MEIS1: variants seen among roughly 807,000 people sequenced by gnomAD.
The protein encoded by MEIS1 is Meis homeobox 1.
In MEIS1, 5 loss-of-function variants were observed where a neutral mutation model predicts 50.8. That is an observed-to-expected ratio of 0.10 (90% CI 0.05 to 0.21). MEIS1 has a LOEUF of 0.21. MEIS1 is among the 10% of genes least tolerant of loss of function. The pLI, the probability that MEIS1 is intolerant of heterozygous loss-of-function variation, is 1.00. For synonymous variants in MEIS1, 176 were observed against 179.3 expected (o/e 0.98, Z 0.15); for missense variants, 318 against 517.3 (o/e 0.61, Z 3.74).
intron 8 of MEIS1, among the ~76,000 whole-genome samples, chr2:66,526,979 T>C (rs988368793): frequency 6.6e-6 from 1 of 152,134 alleles, no homozygotes; most frequent in African/African-American, 2.4e-5. Context: ...GATGTTCATA[T>C]TGGACCAGAC....
chr2:66,526,620 G>C (rs749346500), intron 8 of MEIS1, among the ~76,000 whole-genome samples: 9 of 152,170 alleles, frequency 5.9e-5, no homozygotes, highest in Non-Finnish European at 8.8e-5. Context: ...ACCTCTGATG[G>C]CATTGTAGAC....
intron 8 of MEIS1, 39 bp downstream of exon 8, chr2:66,512,333 G>A (rs928756755): frequency 5.7e-6 from 9 of 1,570,308 alleles, no homozygotes; most frequent in Non-Finnish European, 7.8e-6. Context: ...ACTAAATATG[G>A]ACAATGAACC....
chr2:66,552,313 T>A (rs1374890409), intron 9 of MEIS1, among the ~76,000 whole-genome samples: 1 of 152,206 alleles, frequency 6.6e-6, no homozygotes, highest in Non-Finnish European at 1.5e-5. Context: ...TGTTTACTAC[T>A]CCTCATCCAA....
At position 66,465,694 on chromosome 2, in the gene MEIS1, C is replaced by T. The variant is rs184664308; in HGVS notation, c.742+1474C>T. Among the ~76,000 whole-genome samples, 623 of 152,272 alleles carry T rather than the reference C, an allele frequency of 4.1e-3. 4 individuals carry two copies. The highest frequency in any genetic ancestry group is 0.013 in the South Asian group (62 of 4,826). The stretch of plus-strand genomic sequence containing the variant: ...TCTTGCTTTTCAAAACTTATATCAT[C>T]TGAGAATAGGTAGATAGTTCAGCTG... On this transcript the variant is annotated intron_variant, in intron 7 of 12. Coordinates refer to ENST00000272369, the MANE Select transcript of MEIS1 (RefSeq NM_002398.3).
intron 7 of MEIS1, among the ~76,000 whole-genome samples, chr2:66,505,755 G>T (rs180839455): frequency 6.6e-6 from 1 of 152,304 alleles, no homozygotes; most frequent in Non-Finnish European, 1.5e-5. Flanking sequence ...AATTATAATT[G>T]CAGAAAGTAG....
Position 66,460,739 on chromosome 2 carries a change from TTTGTTGTTG to T in MEIS1, c.631-3349_631-3341del, listed in dbSNP as rs533926214. 1.6e-4 allele frequency among the ~76,000 whole-genome samples: 25 copies of T among 151,732 alleles called. 1 individual carries two copies. Among genetic ancestry groups the T allele is most frequent in the Admixed American group, 1.3e-3 (20 of 15,220 alleles). On this transcript the variant is annotated intron_variant, in intron 6 of 12. Coordinates refer to ENST00000272369, the MANE Select transcript of MEIS1 (RefSeq NM_002398.3). The stretch of plus-strand genomic sequence containing the variant: ...AAGATTTTTTTTTCCCAACAACTTC[TTTGTTGTTG>T]TTGTTGTTGTTGTTGTTGTTCTTGT...
intron 10 of MEIS1, 23 bp from the exon 11 acceptor site, chr2:66,568,644 A>G: frequency 6.3e-7 from 1 of 1,599,324 alleles, no homozygotes; most frequent in South Asian, 1.1e-5. Flanking sequence ...GTTATTAAAA[A>G]ACCACATTCT....
intron 9 of MEIS1, among the ~76,000 whole-genome samples, chr2:66,564,538 T>C (rs1483070124): frequency 1.3e-5 from 2 of 152,192 alleles, no homozygotes; most frequent in Non-Finnish European, 1.5e-5. Flanking sequence ...ACTCACATTC[T>C]AGCAGGCACT....
rs776470607 is a variant in MEIS1, at chr2:66,555,254, TTC to T, written c.965+7260_965+7261del. Among the ~76,000 whole-genome samples the T allele has an allele frequency of 4.8e-3, 168 of 35,348 alleles. 1 individual carries two copies. The highest frequency in any genetic ancestry group is 0.013 in the Middle Eastern group (1 of 80). 23.2% of individuals were successfully genotyped at this position (35,348 alleles called of 152,430 possible). ...TTTGAATTGTGGTTGTGTGTACGTG[TTC>T]TCTCTCTCTCTCTCTCTCTCTCTCG... On this transcript the variant is annotated intron_variant, in intron 9 of 12. Coordinates refer to ENST00000272369, the MANE Select transcript of MEIS1 (RefSeq NM_002398.3).
intron 7 of MEIS1, among the ~76,000 whole-genome samples, chr2:66,503,266 C>T (rs1479462392): frequency 3.9e-5 from 6 of 152,164 alleles, no homozygotes; most frequent in African/African-American, 1.4e-4. Flanking sequence ...TAGGGATGAA[C>T]ACCCACAACC....
At chr2:66,515,587 A>G (rs759470315) in intron 8 of MEIS1, among the ~76,000 whole-genome samples, 4 of 152,186 alleles carry the variant, frequency 2.6e-5, no homozygotes, top group Non-Finnish European at 5.9e-5. Context: ...ACATACTTGT[A>G]TATAATGAAA....
chr2:66,485,307 A>AT (rs1171772771), intron 7 of MEIS1, among the ~76,000 whole-genome samples: 4 of 151,802 alleles, frequency 2.6e-5, no homozygotes, highest in African/African-American at 9.7e-5. Flanking sequence ...CCCTGTGCCC[A>AT]TATGTTCTCA....
At chr2:66,526,667 G>A (rs1434867677) in intron 8 of MEIS1, among the ~76,000 whole-genome samples, 1 of 152,150 alleles carries the variant, frequency 6.6e-6, no homozygotes, top group Admixed American at 6.5e-5. Flanking sequence ...ATAATTTATG[G>A]TAAGTTTAGT....
At chr2:66,563,617 A>G in intron 9 of MEIS1, among the ~76,000 whole-genome samples, 1 of 152,212 alleles carries the variant, frequency 6.6e-6, no homozygotes, top group East Asian at 1.9e-4. Flanking sequence ...ATTCTGTCAC[A>G]AAAGCAGGGA....
At position 66,573,719 on chromosome 2, in the gene MEIS1, T is replaced by A. The variant is rs974778506; in HGVS notation, c.*2511T>A. ...ACCCCTCCCCAGCCCATAGATGGGA[T>A]TGTTTAAATCTCCCTTGTTGACCTA... On this transcript the variant is annotated 3_prime_UTR_variant, in exon 13 of 13. Transcript: ENST00000272369. 1 of 152,226 alleles carries A rather than the reference T, an allele frequency of 6.6e-6. No homozygotes were observed. Among genetic ancestry groups the A allele is most frequent in the Non-Finnish European group, 1.5e-5 (1 of 68,054 alleles). 9.4% of individuals were successfully genotyped at this position (152,226 alleles called of 1,614,324 possible).
At chr2:66,524,301 C>A (rs1227536638) in intron 8 of MEIS1, among the ~76,000 whole-genome samples, 1 of 152,130 alleles carries the variant, frequency 6.6e-6, no homozygotes, top group African/African-American at 2.4e-5. Context: ...GTGGCTGTTG[C>A]CTGTAGTCCC....
chr2:66,463,986 G>A, intron 6 of MEIS1, 123 bp from the exon 7 acceptor site: 2 of 671,582 alleles, frequency 3.0e-6, no homozygotes, highest in South Asian at 3.7e-5. Context: ...GTTGAAGGGG[G>A]ATGGGAAAGG....
Position 66,571,694 on chromosome 2 carries a change from G to T in MEIS1, c.*486G>T. ...GGAAATACCAACTGAAGTCAATTTG[G>T]GGGACATGCTAAATAACTATATAAG... On this transcript the variant is annotated 3_prime_UTR_variant, in exon 13 of 13. Coordinates refer to ENST00000272369, the MANE Select transcript of MEIS1 (RefSeq NM_002398.3). The T allele has an allele frequency of 1.4e-6, 1 of 704,032 alleles. No individual in the cohort carries two copies. Among genetic ancestry groups the T allele is most frequent in the South Asian group, 1.9e-5 (1 of 51,912 alleles). 43.6% of individuals were successfully genotyped at this position (704,032 alleles called of 1,614,324 possible).
Position 66,477,685 on chromosome 2 carries a change from G to T in MEIS1, c.742+13465G>T, listed in dbSNP as rs191048627. ...ATCAGTTTACTGCTCTGAAAATGAGGTGACTTCCCCCTTTGCTTGACAACT... is the reference window on the plus strand; with the variant it reads ...ATCAGTTTACTGCTCTGAAAATGAGTTGACTTCCCCCTTTGCTTGACAACT... On this transcript the variant is annotated intron_variant, in intron 7 of 12. Transcript: ENST00000272369. Among the ~76,000 whole-genome samples the T allele has an allele frequency of 3.9e-3, 587 of 152,322 alleles. 6 individuals are homozygous for T. The highest frequency in any genetic ancestry group is 0.013 in the African/African-American group (544 of 41,574).
Sources: gnomAD v4.1 joint callset for allele counts (sites outside exome capture counted in the v4.1 genomes callset) on GRCh38, gnomAD v4.1.1 for gene constraint, MANE v1.5 for transcripts, NCBI Gene and HGNC (gene_info 2026-07-23, HGNC 2026-07-21) for gene names.